ZMYM1: variants seen among roughly 807,000 people sequenced by gnomAD.
ZMYM1 encodes the protein zinc finger MYM-type containing 1.
ZMYM1 carries 39 observed loss-of-function variants against 60.0 expected under a neutral mutation model. That is an observed-to-expected ratio of 0.65 (90% CI 0.50 to 0.85). The LOEUF is 0.85. Ranked by LOEUF, ZMYM1 falls within the 40% of genes least tolerant of loss-of-function variation. The pLI, the probability that ZMYM1 is intolerant of heterozygous loss-of-function variation, is 0.00. For missense variants in ZMYM1, 1,171 were observed against 1,309.5 expected, an observed-to-expected ratio of 0.89 and a Z score of 1.63; for synonymous variants, 413 against 454.0, an observed-to-expected ratio of 0.91 and a Z score of 1.15.
At chr1:35,109,247 G>T (rs1041163429) in intron 6 of ZMYM1, among the ~76,000 whole-genome samples, 4 of 152,042 alleles carry the variant, frequency 2.6e-5, no homozygotes, top group African/African-American at 9.6e-5. Flanking sequence ...TACCAGTCTG[G>T]TCTCAAACTC....
chr1:35,098,537 T>C (rs1429295528), intron 4 of ZMYM1, among the ~76,000 whole-genome samples: 1 of 152,262 alleles, frequency 6.6e-6, no homozygotes, highest in Non-Finnish European at 1.5e-5. Flanking sequence ...TTGCTTCTTC[T>C]GTTTAGTTAT....
intron 1 of ZMYM1, among the ~76,000 whole-genome samples, chr1:35,064,967 G>A (rs1322935895): frequency 2.0e-5 from 3 of 151,958 alleles, no homozygotes; most frequent in Non-Finnish European, 4.4e-5. Context: ...GAGCCACTGC[G>A]CCCGGCCTAA....
At chr1:35,082,701 C>T (rs762496031) in intron 1 of ZMYM1, among the ~76,000 whole-genome samples, 3 of 149,716 alleles carry the variant, frequency 2.0e-5, no homozygotes, top group Non-Finnish European at 1.5e-5. Context: ...CTTTAGTGGC[C>T]GGGCGTGGTG....
At chr1:35,117,145 A>T (rs868038547), downstream of ZMYM1, among the ~76,000 whole-genome samples, 870 of 97,124 alleles carry the variant, frequency 9.0e-3, 11 homozygotes, top group African/African-American at 0.024. Context: ...TTTTTTTTTT[A>T]AAGACTATTT....
At position 35,104,716 on chromosome 1, in the gene ZMYM1, G is replaced by A. The variant is rs761964912; in HGVS notation, c.754G>A (p.Glu252Lys). The A allele has an allele frequency of 6.2e-7, 1 of 1,614,190 alleles. No homozygotes were observed. The highest frequency in any genetic ancestry group is 8.5e-7 in the Non-Finnish European group (1 of 1,180,024). Residue 252 changes from glutamate (E) to lysine (K), a missense_variant, in exon 6 of 10, where the codon GAA (glutamate) becomes AAA (lysine). Physicochemically the swap from Glu to Lys is moderately conservative, Grantham distance 56. Coordinates refer to ENST00000359858, the MANE Select transcript of ZMYM1 (RefSeq NM_024772.5). ...TAGTCTGTCCCACATACTTCAGATGGAAGGACAGTCTCATTACTTTAATAG... is the reference window on the plus strand; with the variant it reads ...TAGTCTGTCCCACATACTTCAGATGAAAGGACAGTCTCATTACTTTAATAG... ...SSSLSHILQM[E>K]GQSHYFNSSK... is the part of the protein sequence containing the mutation.
Position 35,087,860 on chromosome 1 carries a change from A to G in ZMYM1, c.-74-6054A>G, listed in dbSNP as rs760409462. ...GGTGGATCATGAGGTCAGTAGTTCA[A>G]GACCAGCCTGGCCAAGATGGTGAAA... On this transcript the variant is annotated intron_variant, in intron 1 of 9. Transcript: ENST00000359858. 4.4e-4 allele frequency among the ~76,000 whole-genome samples: 67 copies of G among 152,014 alleles called. 1 individual carries two copies. Among genetic ancestry groups the G allele is most frequent in the Non-Finnish European group, 9.1e-4 (62 of 68,000 alleles).
chr1:35,069,233 T>C (rs1642027932), intron 1 of ZMYM1, among the ~76,000 whole-genome samples: 1 of 152,186 alleles, frequency 6.6e-6, no homozygotes, highest in Non-Finnish European at 1.5e-5. Flanking sequence ...TGTTCCCTTT[T>C]CTCCATATCC....
At chr1:35,059,817 T>C (rs1391113598) in exon 1 of ZMYM1, 3 of 152,144 alleles carry the variant, frequency 2.0e-5, no homozygotes, top group South Asian at 2.1e-4. Flanking sequence ...AGCCTCTCTT[T>C]GCAGTTTTCA....
downstream of ZMYM1, among the ~76,000 whole-genome samples, chr1:35,117,711 C>A (rs1053808638): frequency 6.6e-6 from 1 of 151,800 alleles, no homozygotes; most frequent in African/African-American, 2.4e-5. Flanking sequence ...GAGGCCGAGG[C>A]GGGCAGATCA....
intron 3 of ZMYM1, 88 bp downstream of exon 3, chr1:35,095,979 G>T (rs1643293511): frequency 1.9e-6 from 2 of 1,030,124 alleles, no homozygotes; most frequent in Non-Finnish European, 2.9e-6. Context: ...ATATTGCTTT[G>T]TTTGTGTTGG....
intron 1 of ZMYM1, among the ~76,000 whole-genome samples, chr1:35,064,696 T>C (rs1557617063): frequency 6.8e-6 from 1 of 146,610 alleles, no homozygotes. Flanking sequence ...CTTTTTTTTT[T>C]TTTTTTTTTT....
intron 2 of ZMYM1, among the ~76,000 whole-genome samples, chr1:35,094,753 A>G (rs1343248050): frequency 6.6e-6 from 1 of 152,116 alleles, no homozygotes; most frequent in Non-Finnish European, 1.5e-5. Context: ...AGAGGCTACA[A>G]CAGGAGGATC....
In ZMYM1 at chr1:35,111,753, A is replaced by G; in HGVS notation, c.962-19A>G. The G allele has an allele frequency of 6.5e-7, 1 of 1,546,428 alleles. No individual in the cohort carries two copies. Among genetic ancestry groups the G allele is most frequent in the Non-Finnish European group, 8.7e-7 (1 of 1,144,532 alleles). The stretch of plus-strand genomic sequence containing the variant: ...ATTGATTTTGCCTTGTTTATAAGAA[A>G]TCTTTTTATTGTTGTCAGTAAGTGT... On this transcript the variant is annotated intron_variant, in intron 7 of 9. Transcript: ENST00000359858.
rs1186820981 is a variant in ZMYM1 at position 35,107,367 on chromosome 1, G to A, written c.807+2598G>A. Among the ~76,000 whole-genome samples the A allele has an allele frequency of 3.6e-4, 54 of 151,570 alleles. 1 individual carries two copies. On this transcript the variant is annotated intron_variant, in intron 6 of 9. Transcript: ENST00000359858. ...GCCTGTAGTCCCAGCTACTCTGGAG[G>A]CTGAGGCAGGAGAATGGCATGAACC...
downstream of ZMYM1, among the ~76,000 whole-genome samples, chr1:35,116,862 G>C (rs866058496): frequency 3.1e-4 from 1 of 3,250 alleles, no homozygotes; most frequent in African/African-American, 7.8e-4. Flanking sequence ...TTTTTTTTTT[G>C]AGACGGAGTC....
At chr1:35,117,800 C>T (rs1452482736), downstream of ZMYM1, among the ~76,000 whole-genome samples, 1 of 151,916 alleles carries the variant, frequency 6.6e-6, no homozygotes, top group Non-Finnish European at 1.5e-5. Context: ...ATTAGCCGGG[C>T]GTGGTGGCAC....
chr1:35,087,025 C>T (rs548587914), intron 1 of ZMYM1, among the ~76,000 whole-genome samples: 1 of 113,096 alleles, frequency 8.8e-6, no homozygotes, highest in Non-Finnish European at 1.7e-5. Flanking sequence ...GAGTCTTGCT[C>T]TGTCGTACCC....
chr1:35,068,418 C>CAAAAAAAAAAAAAAAAAA (rs58187268), intron 1 of ZMYM1, among the ~76,000 whole-genome samples: 1 of 62,584 alleles, frequency 1.6e-5, no homozygotes, highest in Admixed American at 2.0e-4. Flanking sequence ...AACTCTGCCT[C>CAAAAAAAAAAAAAAAAAA]AAAAAAAAAA....
upstream of ZMYM1, among the ~76,000 whole-genome samples, chr1:35,078,448 C>T (rs865939450): frequency 1.1e-4 from 16 of 149,732 alleles, no homozygotes; most frequent in South Asian, 3.2e-3. Context: ...ACAGTTAGTT[C>T]GTCCTATACT....
Sources: allele counts gnomAD v4.1 joint callset (sites outside exome capture counted in the v4.1 genomes callset), GRCh38; gene constraint gnomAD v4.1.1; transcripts MANE v1.5; gene names NCBI Gene and HGNC (gene_info 2026-07-23, HGNC 2026-07-21).